The following STX8 variants were observed in gnomAD, a reference collection of about 807,000 sequenced individuals.
The protein encoded by STX8 is syntaxin-8.
A neutral mutation model predicts 37.5 loss-of-function variants in STX8; 23 were observed. The observed-to-expected ratio is 0.61, with a 90% CI of 0.44 to 0.87. The LOEUF is 0.87. STX8 is among the 40% of genes least tolerant of loss of function. The probability of loss-of-function intolerance (pLI) is 0.00; values close to 1 mark genes in which losing one functional copy is unlikely to be tolerated. For missense variants in STX8, 313 were observed against 284.7 expected (o/e 1.10, Z -0.71); for synonymous variants, 115 against 99.1 (o/e 1.16, Z -0.95).
At chr17:9,430,649 C>CT (rs34803730) in intron 6 of STX8, among the ~76,000 whole-genome samples, 1,612 of 120,836 alleles carry the variant, frequency 0.013, 22 homozygotes, top group African/African-American at 0.034. Context: ...GTGGTTTTGG[C>CT]TTTTTTTTTT....
At chr17:9,563,573 A>G (rs1389962667) in intron 2 of STX8, among the ~76,000 whole-genome samples, 1 of 152,166 alleles carries the variant, frequency 6.6e-6, no homozygotes, top group Non-Finnish European at 1.5e-5. Context: ...TTATTTCTGC[A>G]TAAAGTAACA....
At chr17:9,506,800 C>G (rs999545330) in intron 4 of STX8, among the ~76,000 whole-genome samples, 3 of 152,064 alleles carry the variant, frequency 2.0e-5, no homozygotes, top group African/African-American at 7.2e-5. Context: ...TTCCCCACTC[C>G]CCACCCACTC....
chr17:9,504,562 G>C (rs1399471473), intron 5 of STX8, among the ~76,000 whole-genome samples: 2 of 152,258 alleles, frequency 1.3e-5, no homozygotes, highest in East Asian at 3.9e-4. Flanking sequence ...GAGCCACCGA[G>C]ATGAGTGACA....
chr17:9,464,722 GTTTTTTTTTT>G (rs11294998), intron 6 of STX8: 3 of 109,394 alleles, frequency 2.7e-5, no homozygotes, highest in African/African-American at 1.0e-4. Flanking sequence ...CAATCTCATT[GTTTTTTTTTT>G]TTTTTTTTGT....
At chr17:9,358,638 G>C (rs959362757) in intron 7 of STX8, among the ~76,000 whole-genome samples, 2 of 152,186 alleles carry the variant, frequency 1.3e-5, no homozygotes, top group East Asian at 3.9e-4. Flanking sequence ...GAGAGAAAGC[G>C]GCTGGTGAGG....
intron 3 of STX8, among the ~76,000 whole-genome samples, chr17:9,551,030 G>A (rs1328509870): frequency 1.3e-5 from 2 of 152,064 alleles, no homozygotes; most frequent in Non-Finnish European, 2.9e-5. Flanking sequence ...AGCTGAGATC[G>A]CACCATTGTG....
chr17:9,408,256 T>C (rs962565322), intron 6 of STX8, among the ~76,000 whole-genome samples: 5 of 152,176 alleles, frequency 3.3e-5, no homozygotes, highest in African/African-American at 9.7e-5. Flanking sequence ...AAACAGCGCT[T>C]TGGACTCCAT....
chr17:9,517,799 A>AAT (rs1905198056), intron 4 of STX8, among the ~76,000 whole-genome samples: 1 of 151,618 alleles, frequency 6.6e-6, no homozygotes, highest in African/African-American at 2.4e-5. Context: ...AAAAAAAAAA[A>AAT]AAAAAAAAAA....
At chr17:9,443,411 A>C (rs2142390166) in intron 6 of STX8, among the ~76,000 whole-genome samples, 1 of 152,330 alleles carries the variant, frequency 6.6e-6, no homozygotes, top group East Asian at 1.9e-4. Context: ...CGCATCCCCA[A>C]GGAAATTTAA....
At chr17:9,462,327 T>TATAA (rs1176014325) in intron 6 of STX8, among the ~76,000 whole-genome samples, 1 of 152,128 alleles carries the variant, frequency 6.6e-6, no homozygotes, top group Admixed American at 6.5e-5. Flanking sequence ...AAACTCACTT[T>TATAA]GTGGCTTTAT....
At chr17:9,567,987 GTTTTTACA>G in intron 2 of STX8, among the ~76,000 whole-genome samples, 1 of 152,110 alleles carries the variant, frequency 6.6e-6, no homozygotes, top group East Asian at 1.9e-4. Context: ...TGCCTGGCCT[GTTTTTACA>G]TTTTTAATGT....
rs1567556497 is a variant in STX8, at chr17:9,429,751, T to TA, written c.542-51099_542-51098insT. On this transcript the variant is annotated intron_variant, in intron 6 of 7. Coordinates refer to ENST00000306357, the MANE Select transcript of STX8 (RefSeq NM_004853.3). Reference sequence around the variant, plus strand: ...TATATTATATTATATATTATATATATTATATTTTATATATTATATATAACA... The same window carrying TA: ...TATATTATATTATATATTATATATATATATATTTTATATATTATATATAACA... Among the ~76,000 whole-genome samples, 174 of 30,180 alleles carry TA rather than the reference T, an allele frequency of 5.8e-3. 34 individuals are homozygous for TA. The highest frequency in any genetic ancestry group is 6.1e-3 in the Non-Finnish European group (108 of 17,622). The allele number at this position is 30,180 out of a possible 152,430, so 19.8% of individuals were successfully genotyped here. A position where few individuals can be genotyped will look rare whatever the true frequency, so the allele number is the denominator to read the frequency against.
At chr17:9,372,292 T>G (rs956959354) in intron 7 of STX8, among the ~76,000 whole-genome samples, 1 of 151,980 alleles carries the variant, frequency 6.6e-6, no homozygotes, top group Admixed American at 6.6e-5. Context: ...TAAGTTTAGT[T>G]CTGGTTCACT....
chr17:9,370,846 T>C (rs939615350), intron 7 of STX8, among the ~76,000 whole-genome samples: 1 of 151,750 alleles, frequency 6.6e-6, no homozygotes, highest in Non-Finnish European at 1.5e-5. Flanking sequence ...TAAATGTCCT[T>C]AATGGAAGTA....
intron 7 of STX8, chr17:9,305,699 A>G (rs1216855915): frequency 6.9e-6 from 1 of 144,118 alleles, no homozygotes; most frequent in Non-Finnish European, 1.5e-5. Flanking sequence ...GTCTCATAAG[A>G]TTACAGGTGC....
At chr17:9,420,188 C>T (rs897212964) in intron 6 of STX8, among the ~76,000 whole-genome samples, 1 of 152,194 alleles carries the variant, frequency 6.6e-6, no homozygotes, top group East Asian at 1.9e-4. Flanking sequence ...AGGAAATATT[C>T]GTTGACTGAA....
intron 6 of STX8, among the ~76,000 whole-genome samples, chr17:9,389,303 C>T (rs930923672): frequency 2.0e-5 from 3 of 152,218 alleles, no homozygotes; most frequent in Non-Finnish European, 4.4e-5. Flanking sequence ...AAATTAAATA[C>T]AGGTTTCAGA....
At chr17:9,557,062 G>A (rs749504110) in intron 3 of STX8, 23 of 168,516 alleles carry the variant, frequency 1.4e-4, no homozygotes, top group Admixed American at 7.9e-4. Context: ...TCCCAGAAGC[G>A]GAATCACAGC....
At chr17:9,333,592 TG>T (rs1910035148) in intron 7 of STX8, among the ~76,000 whole-genome samples, 1 of 152,158 alleles carries the variant, frequency 6.6e-6, no homozygotes, top group African/African-American at 2.4e-5. Flanking sequence ...GGTTTCACTG[TG>T]TTAGCCAGGA....
Sources: gnomAD v4.1 joint callset for allele counts (sites outside exome capture counted in the v4.1 genomes callset) on GRCh38, gnomAD v4.1.1 for gene constraint, MANE v1.5 for transcripts, NCBI Gene and HGNC (gene_info 2026-07-23, HGNC 2026-07-21) for gene names.